SNTG1: variants seen among roughly 807,000 people sequenced by gnomAD.
SNTG1 encodes the protein syntrophin gamma 1.
A neutral mutation model predicts 74.7 loss-of-function variants in SNTG1; 39 were observed. That is an observed-to-expected ratio of 0.52 (90% CI 0.40 to 0.68). SNTG1 has a LOEUF of 0.68. SNTG1 is among the 30% of genes least tolerant of loss of function. SNTG1 has a pLI of 0.00. For missense variants in SNTG1, 685 were observed against 609.5 expected (o/e 1.12, Z -1.30); for synonymous variants, 254 against 217.1 (o/e 1.17, Z -1.49).
At chr8:50,339,503 T>C (rs2091255300) in intron 2 of SNTG1, among the ~76,000 whole-genome samples, 3 of 151,972 alleles carry the variant, frequency 2.0e-5, no homozygotes, top group African/African-American at 7.2e-5. Flanking sequence ...TTATAAGAGA[T>C]AAGGAAGGTG....
intron 1 of SNTG1, among the ~76,000 whole-genome samples, chr8:50,052,832 T>C (rs1482854279): frequency 6.6e-6 from 1 of 152,158 alleles, no homozygotes; most frequent in Non-Finnish European, 1.5e-5. Context: ...TCATTAATCA[T>C]CATTGAAATT....
At chr8:50,608,404 CTG>C (rs1274064879) in intron 13 of SNTG1, among the ~76,000 whole-genome samples, 7 of 151,512 alleles carry the variant, frequency 4.6e-5, no homozygotes, top group Admixed American at 2.0e-4. Flanking sequence ...ATATTTATAA[CTG>C]TTATGTATTC....
At chr8:50,423,322 C>T (rs77508661) in intron 4 of SNTG1, among the ~76,000 whole-genome samples, 1 of 152,144 alleles carries the variant, frequency 6.6e-6, no homozygotes, top group Non-Finnish European at 1.5e-5. Context: ...ATAGTAGCCA[C>T]ACAACAATTA....
chr8:50,449,419 C>T (rs1008836578), intron 5 of SNTG1, among the ~76,000 whole-genome samples: 2 of 152,164 alleles, frequency 1.3e-5, no homozygotes, highest in Non-Finnish European at 2.9e-5. Context: ...TATCTAAATA[C>T]ATAATCAATA....
chr8:50,414,298 TTCA>T (rs1255959262), intron 4 of SNTG1, among the ~76,000 whole-genome samples: 1 of 152,198 alleles, frequency 6.6e-6, no homozygotes, highest in African/African-American at 2.4e-5. Context: ...GTAGAGACAA[TTCA>T]TCACACACCC....
intron 1 of SNTG1, among the ~76,000 whole-genome samples, chr8:50,101,460 A>G (rs2080121706): frequency 6.6e-6 from 1 of 152,086 alleles, no homozygotes; most frequent in Non-Finnish European, 1.5e-5. Context: ...TGAGTTTTTA[A>G]TAATAACCAT....
chr8:50,001,533 C>G (rs1186483101), intron 1 of SNTG1, among the ~76,000 whole-genome samples: 1 of 152,190 alleles, frequency 6.6e-6, no homozygotes, highest in Admixed American at 6.5e-5. Context: ...CATCTATTGT[C>G]TTACATACCT....
intron 2 of SNTG1, among the ~76,000 whole-genome samples, chr8:50,246,642 G>A (rs549334498): frequency 1.3e-5 from 2 of 152,084 alleles, no homozygotes; most frequent in East Asian, 3.9e-4. Flanking sequence ...ATGAATAGGA[G>A]CATTATCGTG....
At chr8:50,582,009 T>A (rs1238514599) in intron 12 of SNTG1, among the ~76,000 whole-genome samples, 1 of 152,178 alleles carries the variant, frequency 6.6e-6, no homozygotes, top group African/African-American at 2.4e-5. Flanking sequence ...TTCTTAGACA[T>A]GTAATCATGA....
chr8:50,311,765 C>T (rs1441500889), intron 2 of SNTG1, among the ~76,000 whole-genome samples: 2 of 152,086 alleles, frequency 1.3e-5, no homozygotes, highest in Admixed American at 6.5e-5. Context: ...TGAGATTATT[C>T]TCAAAAATAT....
chr8:50,586,465 A>C (rs2094648764), intron 12 of SNTG1, among the ~76,000 whole-genome samples: 1 of 152,296 alleles, frequency 6.6e-6, no homozygotes, highest in East Asian at 1.9e-4. Flanking sequence ...ACTTATCCTC[A>C]TTCCCCTCTG....
intron 12 of SNTG1, among the ~76,000 whole-genome samples, chr8:50,564,472 A>G (rs897827394): frequency 2.0e-5 from 3 of 152,082 alleles, no homozygotes; most frequent in African/African-American, 7.2e-5. Flanking sequence ...TTGAATAGTT[A>G]TTTTGCATTT....
chr8:50,095,464 G>A (rs2079892347), intron 1 of SNTG1, among the ~76,000 whole-genome samples: 1 of 152,180 alleles, frequency 6.6e-6, no homozygotes, highest in Admixed American at 6.5e-5. Context: ...CTGAGGTCAG[G>A]TGGCCTATTG....
At chr8:50,164,636 T>C (rs2082549448) in intron 1 of SNTG1, among the ~76,000 whole-genome samples, 1 of 152,186 alleles carries the variant, frequency 6.6e-6, no homozygotes, top group Non-Finnish European at 1.5e-5. Flanking sequence ...TTGTCCCTTG[T>C]TTTCTTTCCC....
chr8:50,010,980 A>G (rs1044234790), intron 1 of SNTG1, among the ~76,000 whole-genome samples: 3 of 152,072 alleles, frequency 2.0e-5, no homozygotes, highest in African/African-American at 7.2e-5. Context: ...TTGAAAATAT[A>G]TATACCACTT....
intron 16 of SNTG1, among the ~76,000 whole-genome samples, chr8:50,706,369 T>A (rs11996371): frequency 1.3e-5 from 2 of 152,152 alleles, no homozygotes; most frequent in African/African-American, 2.4e-5. Flanking sequence ...TAATGGAATG[T>A]AAGTTGACAG....
intron 2 of SNTG1, among the ~76,000 whole-genome samples, chr8:50,243,713 A>G (rs886726615): frequency 1.3e-5 from 2 of 152,068 alleles, no homozygotes; most frequent in Non-Finnish European, 2.9e-5. Flanking sequence ...TTCCATGGAC[A>G]TACACACAGA....
At chr8:50,024,428 A>G (rs1434608839) in intron 1 of SNTG1, among the ~76,000 whole-genome samples, 1 of 152,202 alleles carries the variant, frequency 6.6e-6, no homozygotes, top group Non-Finnish European at 1.5e-5. Flanking sequence ...GATTTCTTTT[A>G]GGAAACTTAT....
chr8:50,747,668 TGAAGAAAAATGCC>T (rs1272902408), intron 17 of SNTG1: 1 of 151,964 alleles, frequency 6.6e-6, no homozygotes, highest in African/African-American at 2.4e-5. Context: ...ATTAATCTGT[TGAAGAAAAATGCC>T]AAAATTTTAA....
Sources: allele counts gnomAD v4.1 joint callset (sites outside exome capture counted in the v4.1 genomes callset), GRCh38; gene constraint gnomAD v4.1.1; transcripts MANE v1.5; gene names NCBI Gene and HGNC (gene_info 2026-07-23, HGNC 2026-07-21).